The following RBFOX3 variants were observed in gnomAD, a reference collection of about 807,000 sequenced individuals.
The protein encoded by RBFOX3 is RNA binding fox-1 homolog 3, also known as RNA binding protein fox-1 homolog 3.
A neutral mutation model predicts 48.7 loss-of-function variants in RBFOX3; 17 were observed. The ratio of observed to expected loss-of-function variants is 0.35; its 90% CI spans 0.24 to 0.52. RBFOX3 has a LOEUF of 0.52. RBFOX3 is among the 20% of genes least tolerant of loss of function. The pLI is 0.94. For synonymous variants in RBFOX3, 212 were observed against 209.5 expected (o/e 1.01, Z -0.10); for missense variants, 382 against 497.5 (o/e 0.77, Z 2.21).
At chr17:79,644,711 T>C in the RBFOX3 span, among the ~76,000 whole-genome samples, 1 of 152,188 alleles carries the variant, frequency 6.6e-6, no homozygotes, top group African/African-American at 2.4e-5. Context: ...GGAAATTAAA[T>C]ATCTCAGGAA....
At chr17:79,556,618 C>A (rs1419503175) in intron 1 of RBFOX3, among the ~76,000 whole-genome samples, 1 of 152,124 alleles carries the variant, frequency 6.6e-6, no homozygotes, top group Non-Finnish European at 1.5e-5. Flanking sequence ...TTAACGGCTA[C>A]TTAAAAGACT....
intron 1 of RBFOX3, among the ~76,000 whole-genome samples, chr17:79,485,930 G>T (rs943930746): frequency 1.3e-5 from 2 of 152,246 alleles, no homozygotes; most frequent in Admixed American, 6.5e-5. Context: ...GATTGTAATG[G>T]CATGTTTTTC....
chr17:79,416,053 T>C (rs1381963508), intron 2 of RBFOX3, among the ~76,000 whole-genome samples: 1 of 152,076 alleles, frequency 6.6e-6, no homozygotes, highest in African/African-American at 2.4e-5. Flanking sequence ...CGCCTCTTCC[T>C]CTCGCCTGCA....
intron 2 of RBFOX3, among the ~76,000 whole-genome samples, chr17:79,367,943 T>C (rs2058019683): frequency 6.6e-6 from 1 of 152,152 alleles, no homozygotes; most frequent in African/African-American, 2.4e-5. Context: ...CTGTGTGCAT[T>C]CAGGGCTGGG....
chr17:79,618,818 A>G, the RBFOX3 span, among the ~76,000 whole-genome samples: 1 of 152,146 alleles, frequency 6.6e-6, no homozygotes, highest in Non-Finnish European at 1.5e-5. Flanking sequence ...AATATCCTGC[A>G]TCTCCCTCAG....
intron 5 of RBFOX3, among the ~76,000 whole-genome samples, chr17:79,109,497 G>A (rs982714989): frequency 4.6e-5 from 7 of 152,224 alleles, no homozygotes; most frequent in Non-Finnish European, 8.8e-5. Context: ...CATCCTCCTT[G>A]GTCCCAAGTT....
At chr17:79,183,886 G>C (rs990781615) in intron 4 of RBFOX3, among the ~76,000 whole-genome samples, 3 of 151,780 alleles carry the variant, frequency 2.0e-5, no homozygotes, top group Admixed American at 2.0e-4. Context: ...GCCCTCCCAC[G>C]CTCGGGCCCC....
intron 2 of RBFOX3, among the ~76,000 whole-genome samples, chr17:79,468,723 T>TAGAC (rs35871755): frequency 0.43 from 64,892 of 149,284 alleles, 14,586 homozygotes; most frequent in African/African-American, 0.58. Context: ...GATGCATAGA[T>TAGAC]AGATAGCAGA....
intron 4 of RBFOX3, among the ~76,000 whole-genome samples, chr17:79,219,423 C>A (rs747982236): frequency 2.0e-5 from 3 of 152,244 alleles, no homozygotes; most frequent in Non-Finnish European, 4.4e-5. Flanking sequence ...CACAAAGACA[C>A]ACAGACACAC....
chr17:79,537,101 A>C (rs1421929150), intron 1 of RBFOX3, among the ~76,000 whole-genome samples: 3 of 147,292 alleles, frequency 2.0e-5, no homozygotes, highest in Non-Finnish European at 4.5e-5. Context: ...ACAAAACAAA[A>C]CAAACAAACA....
chr17:79,470,373 G>A (rs2076911504), intron 2 of RBFOX3, among the ~76,000 whole-genome samples: 1 of 152,172 alleles, frequency 6.6e-6, no homozygotes, highest in South Asian at 2.1e-4. Context: ...CTGGCGGGTG[G>A]GCTAGGGCTG....
chr17:79,446,466 G>T (rs990767073), intron 2 of RBFOX3, among the ~76,000 whole-genome samples: 17 of 152,140 alleles, frequency 1.1e-4, no homozygotes, highest in African/African-American at 4.1e-4. Flanking sequence ...CAGAGGTGAG[G>T]CTCAGACATC....
the RBFOX3 span, among the ~76,000 whole-genome samples, chr17:79,621,925 G>A: frequency 1.3e-5 from 2 of 152,290 alleles, no homozygotes; most frequent in South Asian, 2.1e-4. Context: ...ACCCGAATCC[G>A]GGGAGAAGGA....
rs1233655878 is a variant in RBFOX3 at position 79,480,567 on chromosome 17, T to A, written c.-175+1887A>T. Among the ~76,000 whole-genome samples the A allele has an allele frequency of 6.6e-6, 1 of 152,084 alleles. No individual in the cohort carries two copies. Among genetic ancestry groups the A allele is most frequent in the African/African-American group, 2.4e-5 (1 of 41,414 alleles). ...ATCCAGCCCTGGACCCTCTTCGTCA[T>A]CTCCTTCCTCCACCTGCACAGCCCC... On this transcript the variant is annotated intron_variant, in intron 2 of 14. Transcript: ENST00000693108. This position sits in a 1 kb window ranked among gnomAD's most constrained non-coding sequence, Gnocchi z 4.8.
At chr17:79,404,099 T>C (rs112628517) in intron 2 of RBFOX3, among the ~76,000 whole-genome samples, 113 of 152,274 alleles carry the variant, frequency 7.4e-4, no homozygotes, top group African/African-American at 2.6e-3. Flanking sequence ...TTTTCTATGG[T>C]CCTCTCTTCT....
At chr17:79,108,737 G>A (rs2077916625) in intron 5 of RBFOX3, among the ~76,000 whole-genome samples, 1 of 152,252 alleles carries the variant, frequency 6.6e-6, no homozygotes, top group South Asian at 2.1e-4. Flanking sequence ...CCTCTGACCA[G>A]GCTCCAGGGC....
chr17:79,319,784 C>T (rs1568034612), intron 2 of RBFOX3, among the ~76,000 whole-genome samples: 2 of 136,536 alleles, frequency 1.5e-5, no homozygotes, highest in South Asian at 4.9e-4. Context: ...TGGTCTATGT[C>T]TGGGCTGTTG....
At chr17:79,296,351 TA>T (rs1397283382) in intron 3 of RBFOX3, among the ~76,000 whole-genome samples, 1 of 152,114 alleles carries the variant, frequency 6.6e-6, no homozygotes, top group African/African-American at 2.4e-5. Flanking sequence ...TGATTTCTTA[TA>T]TGGTTGAGGG....
At chr17:79,490,504 A>G (rs2080330753) in intron 1 of RBFOX3, among the ~76,000 whole-genome samples, 1 of 152,194 alleles carries the variant, frequency 6.6e-6, no homozygotes, top group South Asian at 2.1e-4. Context: ...GCTCAAAATC[A>G]GAAATGTTCC....
Sources: allele counts gnomAD v4.1 joint callset (sites outside exome capture counted in the v4.1 genomes callset), GRCh38; gene constraint gnomAD v4.1.1; non-coding constraint Gnocchi (gnomAD v3.1); transcripts MANE v1.5; gene names NCBI Gene and HGNC (gene_info 2026-07-23, HGNC 2026-07-21).